Variants in RAB8B observed in about 807,000 individuals in gnomAD.
RAB8B encodes the protein RAB8B, member RAS oncogene family.
RAB8B carries 11 observed loss-of-function variants against 32.0 expected under a neutral mutation model. That is an observed-to-expected ratio of 0.34 (90% CI 0.22 to 0.57). RAB8B has a LOEUF of 0.57. RAB8B is among the 20% of genes least tolerant of loss of function. The pLI, the probability that RAB8B is intolerant of heterozygous loss-of-function variation, is 0.86. For missense variants in RAB8B, 190 were observed against 258.5 expected, an observed-to-expected ratio of 0.73 and a Z score of 1.82; for synonymous variants, 103 against 89.6, an observed-to-expected ratio of 1.15 and a Z score of -0.85.
intron 1 of RAB8B, among the ~76,000 whole-genome samples, chr15:63,235,170 C>T (rs1225875447): frequency 6.6e-6 from 1 of 151,828 alleles, no homozygotes; most frequent in African/African-American, 2.4e-5. Context: ...AAGATTTAGT[C>T]AGGGAAAAAG....
At chr15:63,252,946 C>A in intron 3 of RAB8B, among the ~76,000 whole-genome samples, 1 of 152,144 alleles carries the variant, frequency 6.6e-6, no homozygotes. Flanking sequence ...TGGGGTTTCC[C>A]CATGTTGGCC....
chr15:63,248,638 C>T lies in RAB8B; in HGVS notation c.186-1007C>T, dbSNP rs1233267415. On this transcript the variant is annotated intron_variant, in intron 2 of 7. Coordinates refer to ENST00000321437, the MANE Select transcript of RAB8B (RefSeq NM_016530.3). This position sits in a 1 kb window ranked among gnomAD's most constrained non-coding sequence, Gnocchi z 4.4. ...CTTGGATGCTGGTAACACCCCCAGC[C>T]AGTAGCCCACCCTAATGGGCTGTGG... Among the ~76,000 whole-genome samples the T allele has an allele frequency of 6.6e-6, 1 of 152,164 alleles. No individual in the cohort carries two copies. The highest frequency in any genetic ancestry group is 2.4e-5 in the African/African-American group (1 of 41,446).
At chr15:63,205,256 C>T (rs1033275982) in intron 1 of RAB8B, among the ~76,000 whole-genome samples, 6 of 152,132 alleles carry the variant, frequency 3.9e-5, no homozygotes, top group Admixed American at 1.3e-4. Context: ...GCCGAGATTG[C>T]GCCATTGCAC....
chr15:63,217,430 C>T (rs916804680), intron 1 of RAB8B, among the ~76,000 whole-genome samples: 3 of 152,094 alleles, frequency 2.0e-5, no homozygotes, highest in Admixed American at 6.5e-5. Flanking sequence ...CACCATGTGC[C>T]ATGTTTTTGG....
intron 1 of RAB8B, among the ~76,000 whole-genome samples, chr15:63,194,304 T>C (rs1890920683): frequency 6.6e-6 from 1 of 152,258 alleles, no homozygotes; most frequent in South Asian, 2.1e-4. Flanking sequence ...TTTTCACAAC[T>C]GAGTTGCTAC....
chr15:63,247,279 T>C (rs1319764032), intron 2 of RAB8B, among the ~76,000 whole-genome samples: 3 of 152,190 alleles, frequency 2.0e-5, no homozygotes, highest in African/African-American at 7.2e-5. Flanking sequence ...ACCATCACAT[T>C]GAGGATTAGG....
At chr15:63,232,868 T>G (rs2037946649) in intron 1 of RAB8B, among the ~76,000 whole-genome samples, 1 of 152,202 alleles carries the variant, frequency 6.6e-6, no homozygotes, top group Admixed American at 6.5e-5. Flanking sequence ...TTTTTCCTCC[T>G]AAACTTTAGA....
intron 1 of RAB8B, among the ~76,000 whole-genome samples, chr15:63,236,242 TAGAG>T (rs914945678): frequency 2.6e-5 from 4 of 152,168 alleles, no homozygotes; most frequent in East Asian, 1.9e-4. Context: ...CAAAATCTGT[TAGAG>T]AGAGTTTCTA....
chr15:63,192,378 C>T (rs2037563439), intron 1 of RAB8B, among the ~76,000 whole-genome samples: 1 of 152,214 alleles, frequency 6.6e-6, no homozygotes. Flanking sequence ...CCTCCATGCC[C>T]CTCACCTCAT....
rs764894039 is a variant in RAB8B at position 63,244,833 on chromosome 15, A to G, written c.185+17A>G. On this transcript the variant is annotated intron_variant, in intron 2 of 7. Coordinates refer to ENST00000321437, the MANE Select transcript of RAB8B (RefSeq NM_016530.3). ...TCAGATATGGTAAGTAAACACACAC[A>G]CAGAGTTTCTGCTTTAATTGGGAAT... 9 of 1,549,678 alleles carry G rather than the reference A, an allele frequency of 5.8e-6. No individual in the cohort carries two copies. Among genetic ancestry groups the G allele is most frequent in the Non-Finnish European group, 7.1e-6 (8 of 1,131,450 alleles).
intron 1 of RAB8B, among the ~76,000 whole-genome samples, chr15:63,229,780 CAAAAAAAAA>C (rs56015501): frequency 2.2e-4 from 8 of 35,982 alleles, no homozygotes; most frequent in South Asian, 2.2e-3. Flanking sequence ...GACGCTGTTT[CAAAAAAAAA>C]AAAAAAAAAA....
At chr15:63,244,697 A>G (rs1189221345) in intron 1 of RAB8B, 59 bp from the exon 2 acceptor site, 3 of 1,345,734 alleles carry the variant, frequency 2.2e-6, no homozygotes, top group Admixed American at 4.0e-5. Flanking sequence ...TTGTCCTCCT[A>G]ATGAGACTTG....
chr15:63,235,468 G>A (rs536235248), intron 1 of RAB8B, among the ~76,000 whole-genome samples: 2 of 152,030 alleles, frequency 1.3e-5, no homozygotes, highest in Admixed American at 1.3e-4. Context: ...ACCTATTAAA[G>A]TATAGCTAAT....
In RAB8B at chr15:63,239,198, A is replaced by T. The variant is rs1028171302; in HGVS notation, c.125-5558A>T. 8.5e-5 allele frequency among the ~76,000 whole-genome samples: 13 copies of T among 152,178 alleles called. 1 individual carries two copies. The highest frequency in any genetic ancestry group is 7.9e-4 in the Admixed American group (12 of 15,276). ...GTTTCTGCTATTTGCAGCTGAAAGC[A>T]TCCTGATTATATTATCATTTTACAG... On this transcript the variant is annotated intron_variant, in intron 1 of 7. Coordinates refer to ENST00000321437, the MANE Select transcript of RAB8B (RefSeq NM_016530.3).
intron 1 of RAB8B, among the ~76,000 whole-genome samples, chr15:63,200,755 C>CT (rs1364450203): frequency 1.3e-5 from 2 of 152,218 alleles, no homozygotes; most frequent in African/African-American, 2.4e-5. Context: ...GGCCTGAGGC[C>CT]TAGAGGCATC....
intron 1 of RAB8B, among the ~76,000 whole-genome samples, chr15:63,202,169 T>C (rs2037658025): frequency 6.7e-6 from 1 of 149,746 alleles, no homozygotes; most frequent in Non-Finnish European, 1.5e-5. Flanking sequence ...TCCCAGCTAC[T>C]TGGGAGGCTG....
At chr15:63,246,685 T>C (rs1487136530) in intron 2 of RAB8B, among the ~76,000 whole-genome samples, 2 of 152,174 alleles carry the variant, frequency 1.3e-5, no homozygotes, top group Admixed American at 1.3e-4. Context: ...AGCTTCCTTA[T>C]ATAGCCATGA....
At chr15:63,232,543 A>C (rs954334017) in intron 1 of RAB8B, among the ~76,000 whole-genome samples, 2 of 152,224 alleles carry the variant, frequency 1.3e-5, no homozygotes, top group African/African-American at 2.4e-5. Flanking sequence ...GAAAATTCTG[A>C]AACAGTGTAA....
In RAB8B at chr15:63,267,422, T is replaced by G. The variant is rs1013000771; in HGVS notation, c.*3803T>G. 6.6e-6 allele frequency: 1 copy of G among 152,554 alleles called. No homozygotes were observed. The highest frequency in any genetic ancestry group is 1.5e-5 in the Non-Finnish European group (1 of 68,048). 9.5% of individuals were successfully genotyped at this position (152,554 alleles called of 1,614,324 possible). ...TGAATTTAGTTATTATAGTTCAATT[T>G]TATGGCCTTACAGATGGCTTTTATT... is the stretch of plus-strand genomic sequence containing the variant. On this transcript the variant is annotated 3_prime_UTR_variant, in exon 8 of 8. Coordinates refer to ENST00000321437, the MANE Select transcript of RAB8B (RefSeq NM_016530.3).
Sources: allele counts gnomAD v4.1 joint callset (sites outside exome capture counted in the v4.1 genomes callset), GRCh38; gene constraint gnomAD v4.1.1; non-coding constraint Gnocchi (gnomAD v3.1); transcripts MANE v1.5; gene names NCBI Gene and HGNC (gene_info 2026-07-23, HGNC 2026-07-21).